CNKSR1: variants seen among roughly 807,000 people sequenced by gnomAD.
The protein encoded by CNKSR1 is CNK homolog protein 1.
Under a neutral mutation model 95.6 loss-of-function variants are expected in CNKSR1, and 88 were observed. That is an observed-to-expected ratio of 0.92 (90% CI 0.78 to 1.10). The LOEUF (loss-of-function observed/expected upper bound fraction) is 1.10, where lower values mean the gene tolerates loss of function less well. Among genes scored for constraint, CNKSR1 ranks in the 50% least tolerant of loss-of-function variants. The pLI, the probability that CNKSR1 is intolerant of heterozygous loss-of-function variation, is 0.00. For synonymous variants in CNKSR1, 355 were observed against 369.7 expected, an observed-to-expected ratio of 0.96 and a Z score of 0.46; for missense variants, 836 against 912.0, an observed-to-expected ratio of 0.92 and a Z score of 1.07.
At chr1:26,187,092 G>T in intron 14 of CNKSR1, 76 bp from the exon 15 acceptor site, 4 of 1,122,682 alleles carry the variant, frequency 3.6e-6, no homozygotes, top group South Asian at 2.5e-5. Context: ...TCAGGAGCCC[G>T]AGGGGTAACT....
intron 4 of CNKSR1, 33 bp downstream of exon 4, chr1:26,181,974 C>T (rs2088654419): frequency 4.4e-6 from 7 of 1,579,806 alleles, no homozygotes; most frequent in South Asian, 3.3e-5. Flanking sequence ...TTGGCCCATG[C>T]CCTAGAGACC....
rs144468434 is a variant in CNKSR1 at position 26,188,930 on chromosome 1, C to T, written c.1849C>T (p.Arg617Trp). Residue 617 changes from arginine to tryptophan, a missense_variant, in exon 20 of 21, where the codon CGG becomes TGG. Arg to Trp is a moderately radical substitution (Grantham distance 101, BLOSUM62 -3). Transcript: ENST00000361530. ...GCTCAATGAGCGAGTGCACCGTGTG[C>T]GGGCGCTACAGAGCACACTCAAGGT... ...PQLNERVHRVRALQSTLKAKL... is the reference protein window; with the variant it reads ...PQLNERVHRVWALQSTLKAKL... The T allele has an allele frequency of 8.1e-6, 13 of 1,613,400 alleles. No individual in the cohort carries two copies. Among genetic ancestry groups the T allele is most frequent in the South Asian group, 1.1e-5 (1 of 91,074 alleles).
chr1:26,188,500 C>T lies in CNKSR1; in HGVS notation c.1587C>T (p.Ala529=). 6.2e-7 allele frequency: 1 copy of T among 1,603,462 alleles called. No individual in the cohort carries two copies. Among genetic ancestry groups the T allele is most frequent in the South Asian group, 1.1e-5 (1 of 89,446 alleles). The part of the protein sequence containing the change: ...DPDDEAGSHS[A]SPSPAQAGSP... ...ACGATGAGGCTGGGTCCCACTCAGCCTCGGTGAGTGGGGGGCTGCCGGGGG... is the reference window on the plus strand; with the variant it reads ...ACGATGAGGCTGGGTCCCACTCAGCTTCGGTGAGTGGGGGGCTGCCGGGGG... Residue 529 remains alanine, a synonymous_variant, in exon 18 of 21, where the codon GCC becomes GCT. Coordinates refer to ENST00000361530, the MANE Select transcript of CNKSR1 (RefSeq NM_006314.3).
chr1:26,185,232 A>G lies in CNKSR1; in HGVS notation c.1308+46A>G, dbSNP rs760540170. 1.4e-5 allele frequency: 21 copies of G among 1,530,660 alleles called. 1 individual carries two copies. The East Asian group carries it at 2.2e-4, about 16-fold the overall frequency. The allele number at this position is 1,530,660 out of a possible 1,614,324, so 94.8% of individuals were successfully genotyped here. ...ACAGGTAGGCAAGTGAGTCACTTCC[A>G]GGCCTCGATTCTCATCTCTATTCTA... On this transcript the variant is annotated intron_variant, in intron 14 of 20. Transcript: ENST00000361530.
chr1:26,183,171 G>C (rs200648292), intron 6 of CNKSR1, 26 bp from the exon 7 acceptor site: 1 of 1,613,152 alleles, frequency 6.2e-7, no homozygotes, highest in Non-Finnish European at 8.5e-7. Context: ...CCCAGCCCCC[G>C]GTGACTATAG....
intron 1 of CNKSR1, among the ~76,000 whole-genome samples, chr1:26,179,263 C>CA (rs2088607947): frequency 6.6e-6 from 1 of 151,942 alleles, no homozygotes; most frequent in African/African-American, 2.4e-5. Context: ...TGGTCAAGTG[C>CA]AGGGGTTTGT....
Position 26,184,513 on chromosome 1 carries a change from C to T in CNKSR1, c.1107+6C>T. ...TCCCTGAATCCCCTGACAAGGTAAG[C>T]TCAGGGGCTTAGCAAGGGGGTGGGT... On this transcript the variant is annotated splice_donor_region_variant and intron_variant, in intron 12 of 20. Coordinates refer to ENST00000361530, the MANE Select transcript of CNKSR1 (RefSeq NM_006314.3). The T allele has an allele frequency of 1.2e-6, 2 of 1,609,776 alleles. No individual in the cohort carries two copies. The highest frequency in any genetic ancestry group is 2.2e-5 in the East Asian group (1 of 44,770).
chr1:26,184,768 G>A (rs2088717983), intron 13 of CNKSR1, among the ~76,000 whole-genome samples, 156 bp downstream of exon 13: 1 of 151,834 alleles, frequency 6.6e-6, no homozygotes, highest in South Asian at 2.1e-4. Flanking sequence ...CCCAGTCTGG[G>A]CCTCTCACCA....
rs2088802754 is a variant in CNKSR1, at chr1:26,188,581, T to A, written c.1591-17T>A. The A allele has an allele frequency of 6.2e-7, 1 of 1,613,210 alleles. No homozygotes were observed. The highest frequency in any genetic ancestry group is 8.5e-7 in the Non-Finnish European group (1 of 1,179,664). On this transcript the variant is annotated splice_polypyrimidine_tract_variant and intron_variant, in intron 18 of 20. Coordinates refer to ENST00000361530, the MANE Select transcript of CNKSR1 (RefSeq NM_006314.3). ...AGCTCAGACAGAAACCCTCTGTGCT[T>A]TCCACCCTGCCTGCAGCCCAGCCCT...
At position 26,189,398 on chromosome 1, in the gene CNKSR1, C is replaced by G; in HGVS notation, c.1992C>G (p.Ala664=). ...NRELYSEGLG[A]WGVAQAEGSS... is the part of the protein sequence containing the mutation. ...AGCTGTACTCAGAGGGCCTGGGGGC[C>G]TGGGGAGTGGCACAGGCTGAAGGCA... is the stretch of plus-strand genomic sequence containing the variant. The change falls in exon 21 of 21, where the codon GCC becomes GCG. Residue 664 remains alanine (A), a synonymous_variant. Transcript: ENST00000361530. 6.2e-7 allele frequency: 1 copy of G among 1,613,970 alleles called. No individual in the cohort carries two copies. The highest frequency in any genetic ancestry group is 8.5e-7 in the Non-Finnish European group (1 of 1,179,822).
At position 26,187,465 on chromosome 1, in the gene CNKSR1, C is replaced by G. The variant is rs371483950; in HGVS notation, c.1437C>G (p.Thr479=). The G allele has an allele frequency of 4.3e-5, 70 of 1,613,910 alleles. No homozygotes were observed. Among genetic ancestry groups the G allele is most frequent in the Non-Finnish European group, 5.4e-5 (64 of 1,179,982 alleles). The part of the protein sequence containing the change: ...VYKPFIFAAD[T]LTDLSMWVRH... ...AACCCTTCATCTTCGCTGCTGATAC[C>G]CTGACAGATCTGAGCATGTGAGTGC... The change falls in exon 16 of 21, where the codon ACC becomes ACG. Residue 479 remains threonine, a synonymous_variant. Coordinates refer to ENST00000361530, the MANE Select transcript of CNKSR1 (RefSeq NM_006314.3).
chr1:26,185,731 A>G (rs1395711153), intron 14 of CNKSR1, among the ~76,000 whole-genome samples: 2 of 150,998 alleles, frequency 1.3e-5, no homozygotes, highest in Non-Finnish European at 3.0e-5. Flanking sequence ...GAGTCTTGCT[A>G]TGTTGCCCAG....
chr1:26,180,130 A>G, intron 1 of CNKSR1: 1 of 399,818 alleles, frequency 2.5e-6, no homozygotes, highest in Non-Finnish European at 4.7e-6. Flanking sequence ...AAACAAAACA[A>G]AAACAAAAAA....
Position 26,180,721 on chromosome 1 carries a change from A to G in CNKSR1, c.217A>G (p.Arg73Gly). 1 of 1,614,032 alleles carries G rather than the reference A, an allele frequency of 6.2e-7. No individual in the cohort carries two copies. ...GVEQLQALSSRLQTENLQSLT... is the reference protein window; with the variant it reads ...GVEQLQALSSGLQTENLQSLT... ...TGCCCTCTTTCTGGCACAGAGCTCC[A>G]GGCTACAGACAGAGAACCTGCAAAG... is the stretch of plus-strand genomic sequence containing the variant. Residue 73 changes from arginine to glycine, a missense_variant, in exon 3 of 21, where the codon AGG (arginine) becomes GGG (glycine). Coordinates refer to ENST00000361530, the MANE Select transcript of CNKSR1 (RefSeq NM_006314.3).
intron 11 of CNKSR1, 56 bp downstream of exon 11, chr1:26,184,343 AC>A (rs1569881204): frequency 3.1e-6 from 5 of 1,604,158 alleles, no homozygotes; most frequent in Non-Finnish European, 4.3e-6. Context: ...CCCAGTTCTG[AC>A]CCCAAGCCTG....
Position 26,183,347 on chromosome 1 carries a change from T to G in CNKSR1, c.686T>G (p.Val229Gly), listed in dbSNP as rs752055838. ...QHFVSQVDTQ[V>G]PTDSRLQIQP... is the part of the protein sequence containing the mutation. ...CTCAGGCCCCATTCCCCACGTCAGGTTCCCACTGACTCCCGACTGCAGATC... is the reference window on the plus strand; with the variant it reads ...CTCAGGCCCCATTCCCCACGTCAGGGTCCCACTGACTCCCGACTGCAGATC... Residue 229 changes from valine (V) to glycine (G), a missense_variant and splice_region_variant, in exon 8 of 21, where the codon GTT (valine) becomes GGT (glycine). Coordinates refer to ENST00000361530, the MANE Select transcript of CNKSR1 (RefSeq NM_006314.3). 25 of 1,614,004 alleles carry G rather than the reference T, an allele frequency of 1.5e-5. No homozygotes were observed. In the East Asian group the frequency reaches 5.6e-4, roughly 36 times the overall value.
chr1:26,188,954 G>T lies in CNKSR1; in HGVS notation c.1872+1G>T, dbSNP rs1301624747. ...GCGGGCGCTACAGAGCACACTCAAG[G>T]TCAGCTGGGGGGCTCTGGGCACAGC... On this transcript the variant is annotated splice_donor_variant, in intron 20 of 20. Transcript: ENST00000361530. LOFTEE classifies it high-confidence loss of function. 1 of 1,612,870 alleles carries T rather than the reference G, an allele frequency of 6.2e-7. No individual in the cohort carries two copies. The highest frequency in any genetic ancestry group is 8.5e-7 in the Non-Finnish European group (1 of 1,179,456).
chr1:26,183,873 C>G (rs534286518), intron 9 of CNKSR1, 43 bp downstream of exon 9: 4 of 544,702 alleles, frequency 7.3e-6, no homozygotes, highest in Admixed American at 2.6e-5. Flanking sequence ...CAGACCCCCC[C>G]CTCCACAGGT....
At chr1:26,181,280 C>CAAAAAA (rs11392737) in intron 3 of CNKSR1, among the ~76,000 whole-genome samples, 2 of 49,154 alleles carry the variant, frequency 4.1e-5, no homozygotes, top group African/African-American at 7.7e-5. Flanking sequence ...GACTCCCTCT[C>CAAAAAA]AAAAAAAAAA....
Sources: allele counts gnomAD v4.1 joint callset (sites outside exome capture counted in the v4.1 genomes callset), GRCh38; gene constraint gnomAD v4.1.1; transcripts MANE v1.5; gene names NCBI Gene and HGNC (gene_info 2026-07-23, HGNC 2026-07-21).